The following AK5 variants were observed in gnomAD, a reference collection of about 807,000 sequenced individuals.
The protein encoded by AK5 is adenylate kinase isoenzyme 5.
Under a neutral mutation model 69.5 loss-of-function variants are expected in AK5, and 27 were observed. The ratio of observed to expected loss-of-function variants is 0.39; its 90% CI spans 0.29 to 0.54. The LOEUF is 0.54. Among genes scored for constraint, AK5 ranks in the 20% least tolerant of loss-of-function variants. AK5 has a pLI of 0.71. For synonymous variants in AK5, 260 were observed against 244.4 expected (o/e 1.06, Z -0.60); for missense variants, 531 against 700.4 (o/e 0.76, Z 2.73).
At chr1:77,348,666 G>A (rs1014652706) in intron 6 of AK5, among the ~76,000 whole-genome samples, 2 of 152,014 alleles carry the variant, frequency 1.3e-5, no homozygotes, top group African/African-American at 4.8e-5. Flanking sequence ...ATAGTTGGTA[G>A]CTGAATGTCA....
At chr1:77,455,202 G>C (rs1299450736) in intron 8 of AK5, among the ~76,000 whole-genome samples, 1 of 152,146 alleles carries the variant, frequency 6.6e-6, no homozygotes, top group African/African-American at 2.4e-5. Flanking sequence ...AAATCTCCCT[G>C]ACTTCAAAAC....
intron 5 of AK5, 114 bp from the exon 6 acceptor site, chr1:77,340,261 CAT>C (rs1661578467): frequency 9.6e-7 from 1 of 1,036,374 alleles, no homozygotes; most frequent in Non-Finnish European, 1.4e-6. Context: ...CTGTCAAAAA[CAT>C]AGAGGGCCAA....
chr1:77,556,501 A>G (rs1660110456), intron 13 of AK5, among the ~76,000 whole-genome samples: 2 of 152,202 alleles, frequency 1.3e-5, no homozygotes, highest in Admixed American at 6.5e-5. Flanking sequence ...ATAGTATTCC[A>G]TTATATGACT....
chr1:77,405,260 G>A (rs1649541514), intron 6 of AK5, among the ~76,000 whole-genome samples: 1 of 152,214 alleles, frequency 6.6e-6, no homozygotes, highest in Non-Finnish European at 1.5e-5. Flanking sequence ...TTGTATAGAT[G>A]CTAAGAAATA....
At chr1:77,531,495 A>G (rs868011914) in intron 12 of AK5, among the ~76,000 whole-genome samples, 1 of 152,128 alleles carries the variant, frequency 6.6e-6, no homozygotes, top group African/African-American at 2.4e-5. Flanking sequence ...GTGTGGACAC[A>G]AAGGTTCTCC....
chr1:77,480,059 C>G (rs1655164583), intron 8 of AK5, among the ~76,000 whole-genome samples: 1 of 152,110 alleles, frequency 6.6e-6, no homozygotes. Context: ...AGATTTAGTG[C>G]TTACAGGGGC....
At chr1:77,337,882 A>G (rs1458567303) in intron 5 of AK5, among the ~76,000 whole-genome samples, 1 of 152,178 alleles carries the variant, frequency 6.6e-6, no homozygotes, top group Admixed American at 6.5e-5. Flanking sequence ...CCATGCTCCT[A>G]ATCACCTTTC....
intron 6 of AK5, among the ~76,000 whole-genome samples, chr1:77,364,432 C>G (rs1028578666): frequency 6.6e-6 from 1 of 152,278 alleles, no homozygotes; most frequent in African/African-American, 2.4e-5. Context: ...CTATTGTTAA[C>G]TATAGTCATC....
At chr1:77,436,462 A>C (rs1651966544) in intron 8 of AK5, among the ~76,000 whole-genome samples, 1 of 151,836 alleles carries the variant, frequency 6.6e-6, no homozygotes, top group Non-Finnish European at 1.5e-5. Context: ...TAATTTTGGA[A>C]ACATGTTTCC....
chr1:77,299,929 C>A (rs1659238676), intron 5 of AK5, among the ~76,000 whole-genome samples: 1 of 152,122 alleles, frequency 6.6e-6, no homozygotes, highest in African/African-American at 2.4e-5. Flanking sequence ...CCTGGCTTTT[C>A]TGGTGACTTA....
intron 12 of AK5, among the ~76,000 whole-genome samples, chr1:77,534,874 TGTTATTATCTCTCGTGGTTCTGGAAGTTA>T: frequency 6.6e-6 from 1 of 152,284 alleles, no homozygotes; most frequent in South Asian, 2.1e-4. Context: ...AAGAACAATT[TGTTATTATCTCTCGTGGTTCTGGAAGTTA>T]TGGGGCTCAG....
At position 77,432,315 on chromosome 1, in the gene AK5, C is replaced by T. The variant is rs116067335; in HGVS notation, c.1059+14600C>T. ...GGTGAGTAGGAATCTGTGTCAAAAG[C>T]GTTCTAGCCACATTTGAGCAACAAG... On this transcript the variant is annotated intron_variant, in intron 8 of 13. Transcript: ENST00000354567. 7.4e-3 allele frequency among the ~76,000 whole-genome samples: 1,129 copies of T among 152,222 alleles called. 22 individuals carry two copies. Among genetic ancestry groups the T allele is most frequent in the African/African-American group, 0.025 (1,050 of 41,530 alleles).
At chr1:77,450,881 T>C (rs1489367818) in intron 8 of AK5, among the ~76,000 whole-genome samples, 1 of 152,212 alleles carries the variant, frequency 6.6e-6, no homozygotes, top group Non-Finnish European at 1.5e-5. Context: ...TTATTATTTA[T>C]AAAAGCAAAA....
At chr1:77,343,589 T>C (rs1044251181) in intron 6 of AK5, among the ~76,000 whole-genome samples, 1 of 152,192 alleles carries the variant, frequency 6.6e-6, no homozygotes, top group Non-Finnish European at 1.5e-5. Flanking sequence ...AGATTCCAGC[T>C]GCACCACCTA....
chr1:77,323,549 A>G (rs1025273227), intron 5 of AK5, among the ~76,000 whole-genome samples: 5 of 152,240 alleles, frequency 3.3e-5, no homozygotes, highest in African/African-American at 9.6e-5. Flanking sequence ...TAAACACTCA[A>G]TATTTACTGA....
At chr1:77,376,220 A>G (rs1471606604) in intron 6 of AK5, among the ~76,000 whole-genome samples, 1 of 152,086 alleles carries the variant, frequency 6.6e-6, no homozygotes, top group African/African-American at 2.4e-5. Flanking sequence ...GGAACATGAC[A>G]GTAATTTGAT....
intron 6 of AK5, among the ~76,000 whole-genome samples, chr1:77,376,913 C>T (rs1647289438): frequency 6.6e-6 from 1 of 152,184 alleles, no homozygotes; most frequent in African/African-American, 2.4e-5. Context: ...CAGAGTGAAA[C>T]TCTGTCTCAA....
At chr1:77,350,435 G>T (rs1231005466) in intron 6 of AK5, among the ~76,000 whole-genome samples, 1 of 152,198 alleles carries the variant, frequency 6.6e-6, no homozygotes, top group Non-Finnish European at 1.5e-5. Context: ...GAAGTGCTAG[G>T]CTAAGGAGGA....
intron 6 of AK5, among the ~76,000 whole-genome samples, chr1:77,355,241 C>A (rs17100425): frequency 0.018 from 2,738 of 152,214 alleles, 84 homozygotes; most frequent in African/African-American, 0.061. Context: ...ATGACTGCAG[C>A]GTACTTGTGA....
Sources: gnomAD v4.1 joint callset for allele counts (sites outside exome capture counted in the v4.1 genomes callset) on GRCh38, gnomAD v4.1.1 for gene constraint, MANE v1.5 for transcripts, NCBI Gene and HGNC (gene_info 2026-07-23, HGNC 2026-07-21) for gene names.